Variants in RAD51 observed in about 807,000 individuals in gnomAD.
RAD51 encodes RAD51 recombinase, also known as DNA repair protein RAD51 homolog 1.
A neutral mutation model predicts 41.5 loss-of-function variants in RAD51; 14 were observed. The ratio of observed to expected loss-of-function variants is 0.34; its 90% CI spans 0.22 to 0.53. The LOEUF is 0.53. Among genes scored for constraint, RAD51 ranks in the 20% least tolerant of loss-of-function variants. The pLI is 0.95. For synonymous variants in RAD51, 136 were observed against 148.6 expected (o/e 0.92, Z 0.62); for missense variants, 234 against 422.0 (o/e 0.55, Z 3.90).
chr15:40,729,242 G>A (rs1255624530), intron 7 of RAD51, among the ~76,000 whole-genome samples: 8 of 151,714 alleles, frequency 5.3e-5, no homozygotes, highest in Non-Finnish European at 8.8e-5. Context: ...GTGTGGTGGC[G>A]GGCGCCTGTA....
At chr15:40,711,221 C>T (rs1895690583) in intron 5 of RAD51, among the ~76,000 whole-genome samples, 1 of 152,038 alleles carries the variant, frequency 6.6e-6, no homozygotes, top group Non-Finnish European at 1.5e-5. Context: ...ATAGTGAGAC[C>T]CTGTTTCTGA....
chr15:40,719,504 G>A (rs1316955235), intron 6 of RAD51, among the ~76,000 whole-genome samples: 3 of 152,192 alleles, frequency 2.0e-5, no homozygotes, highest in Non-Finnish European at 2.9e-5. Flanking sequence ...GAGACACTGC[G>A]TGGCTATACT....
intron 2 of RAD51, 90 bp from the exon 3 acceptor site, chr15:40,700,974 G>T: frequency 8.2e-7 from 1 of 1,218,444 alleles, no homozygotes; most frequent in Non-Finnish European, 1.2e-6. Flanking sequence ...AAGTCTTCAA[G>T]CACCTCTGTG....
In RAD51 at chr15:40,695,434, G is replaced by A. The variant is rs1174248328; in HGVS notation, c.-3+9G>A. The A allele has an allele frequency of 6.6e-6, 1 of 152,520 alleles. No individual in the cohort carries two copies. The highest frequency in any genetic ancestry group is 2.4e-5 in the African/African-American group (1 of 41,466). The allele number at this position is 152,520 out of a possible 1,614,324, so 9.4% of individuals were successfully genotyped here. ...GAGCGCTGCGGACCGAGGTGAGTGTGTGAGGCGCAGGCTGGGCCCTCCAGA... is the reference window on the plus strand; with the variant it reads ...GAGCGCTGCGGACCGAGGTGAGTGTATGAGGCGCAGGCTGGGCCCTCCAGA... On this transcript the variant is annotated intron_variant, in intron 1 of 9. Transcript: ENST00000267868.
intron 6 of RAD51, among the ~76,000 whole-genome samples, chr15:40,724,503 T>A (rs1896444174): frequency 6.6e-6 from 1 of 151,768 alleles, no homozygotes; most frequent in South Asian, 2.1e-4. Flanking sequence ...TGACAAAAAA[T>A]TTTTTGTTGT....
At chr15:40,728,171 G>A (rs921601804) in intron 6 of RAD51, among the ~76,000 whole-genome samples, 1 of 152,122 alleles carries the variant, frequency 6.6e-6, no homozygotes, top group Non-Finnish European at 1.5e-5. Context: ...TCAAAGAATA[G>A]GTTTGATTTA....
chr15:40,700,936 C>CCAGGGTTTG, intron 2 of RAD51, 128 bp from the exon 3 acceptor site: 2 of 867,598 alleles, frequency 2.3e-6, no homozygotes, highest in East Asian at 4.0e-5. Context: ...CCCGCCCCCC[C>CCAGGGTTTG]AAGGATTTCA....
chr15:40,700,212 GT>G (rs927911203), intron 2 of RAD51, among the ~76,000 whole-genome samples: 2 of 152,156 alleles, frequency 1.3e-5, no homozygotes, highest in Non-Finnish European at 2.9e-5. Flanking sequence ...AGAAGTCATG[GT>G]TTTGGTGGCT....
At chr15:40,710,501 C>CAAAAAAAAAA (rs747933816) in intron 5 of RAD51, among the ~76,000 whole-genome samples, 4 of 48,754 alleles carry the variant, frequency 8.2e-5, no homozygotes, top group East Asian at 5.9e-4. Context: ...GACTCTGTCT[C>CAAAAAAAAAA]AAAAAAAAAA....
At chr15:40,730,601 A>T (rs1896830827) in intron 9 of RAD51, among the ~76,000 whole-genome samples, 1 of 139,974 alleles carries the variant, frequency 7.1e-6, no homozygotes, top group African/African-American at 2.6e-5. Flanking sequence ...GGCTCACTGC[A>T]AGCTCCGCCT....
chr15:40,731,002 C>T lies in RAD51; in HGVS notation c.897-53C>T, dbSNP rs200016161. ...TTCAGCTCTGTTACAAAGTCAGGAACGGAATTGTTTAATTATAATAAATTG... is the reference window on the plus strand; with the variant it reads ...TTCAGCTCTGTTACAAAGTCAGGAATGGAATTGTTTAATTATAATAAATTG... On this transcript the variant is annotated intron_variant, in intron 9 of 9. Coordinates refer to ENST00000267868, the MANE Select transcript of RAD51 (RefSeq NM_002875.5). The T allele has an allele frequency of 1.6e-4, 264 of 1,611,290 alleles. 2 individuals are homozygous for T. The South Asian group carries it at 2.3e-3, about 14-fold the overall frequency.
chr15:40,710,462 A>G (rs1250560405), intron 5 of RAD51, among the ~76,000 whole-genome samples: 1 of 138,388 alleles, frequency 7.2e-6, no homozygotes, highest in Non-Finnish European at 1.5e-5. Flanking sequence ...AGATCGCACC[A>G]TTGCATTCCA....
chr15:40,722,066 A>G (rs181243139), intron 6 of RAD51, among the ~76,000 whole-genome samples: 1 of 152,356 alleles, frequency 6.6e-6, no homozygotes, highest in African/African-American at 2.4e-5. Flanking sequence ...TGCTATTAAC[A>G]TCCACTAACC....
chr15:40,726,266 G>T (rs570450439), intron 6 of RAD51, among the ~76,000 whole-genome samples: 4 of 146,044 alleles, frequency 2.7e-5, no homozygotes, highest in African/African-American at 7.6e-5. Flanking sequence ...TTTTTGAGAC[G>T]GAGTTTCACT....
chr15:40,698,902 A>T, intron 2 of RAD51, 57 bp downstream of exon 2: 1 of 1,514,438 alleles, frequency 6.6e-7, no homozygotes, highest in South Asian at 1.1e-5. Flanking sequence ...ACCTAGTGGA[A>T]GGTATTACAA....
chr15:40,716,463 T>G (rs1895991735), intron 5 of RAD51, among the ~76,000 whole-genome samples: 1 of 151,902 alleles, frequency 6.6e-6, no homozygotes, highest in African/African-American at 2.4e-5. Flanking sequence ...CCTCCCAGGT[T>G]CAAGTGATTC....
chr15:40,709,127 G>A lies in RAD51; in HGVS notation c.435+11G>A. The A allele has an allele frequency of 6.2e-7, 1 of 1,601,654 alleles. No homozygotes were observed. The highest frequency in any genetic ancestry group is 8.6e-7 in the Non-Finnish European group (1 of 1,168,746). Reference sequence around the variant, plus strand: ...GCTGTCACCTGCCAGGTGAGCTGTTGGGGCTATAGCTAATCAAATAAGCAA... The same window carrying A: ...GCTGTCACCTGCCAGGTGAGCTGTTAGGGCTATAGCTAATCAAATAAGCAA... On this transcript the variant is annotated intron_variant, in intron 5 of 9. Transcript: ENST00000267868.
At chr15:40,712,882 T>C (rs535742323) in intron 5 of RAD51, among the ~76,000 whole-genome samples, 25 of 138,652 alleles carry the variant, frequency 1.8e-4, no homozygotes, top group Non-Finnish European at 2.7e-4. Context: ...CTTTTCTTTT[T>C]TTTTTTTTTT....
At chr15:40,712,920 C>T (rs1895782736) in intron 5 of RAD51, among the ~76,000 whole-genome samples, 1 of 126,586 alleles carries the variant, frequency 7.9e-6, no homozygotes, top group Non-Finnish European at 1.6e-5. Context: ...GCTCTGTTGC[C>T]CAGGCTGTAG....
Sources: gnomAD v4.1 joint callset for allele counts (sites outside exome capture counted in the v4.1 genomes callset) on GRCh38, gnomAD v4.1.1 for gene constraint, MANE v1.5 for transcripts, NCBI Gene and HGNC (gene_info 2026-07-23, HGNC 2026-07-21) for gene names.